Variants in PAG1 observed in about 807,000 individuals in gnomAD.
PAG1 encodes phosphoprotein membrane anchor with glycosphingolipid microdomains 1.
Under a neutral mutation model 31.7 loss-of-function variants are expected in PAG1, and 23 were observed. That is an observed-to-expected ratio of 0.73 (90% CI 0.52 to 1.03). The LOEUF is 1.03. Among genes scored for constraint, PAG1 ranks in the 50% least tolerant of loss-of-function variants. The probability of loss-of-function intolerance (pLI) is 0.00; values close to 1 mark genes in which losing one functional copy is unlikely to be tolerated. For missense variants in PAG1, 473 were observed against 540.7 expected, an observed-to-expected ratio of 0.87 and a Z score of 1.24; for synonymous variants, 214 against 210.3, an observed-to-expected ratio of 1.02 and a Z score of -0.15.
chr8:80,992,952 G>A, intron 4 of PAG1, 151 bp downstream of exon 4: 2 of 607,582 alleles, frequency 3.3e-6, no homozygotes, highest in Non-Finnish European at 5.4e-6. Context: ...GAGACGCTCT[G>A]CAGCAGAGAG....
At chr8:81,017,835 T>G (rs1347756) in intron 3 of PAG1, among the ~76,000 whole-genome samples, 1 of 151,986 alleles carries the variant, frequency 6.6e-6, no homozygotes, top group Non-Finnish European at 1.5e-5. Context: ...TACCTGCACA[T>G]GGGAATTTAA....
chr8:81,000,536 G>A (rs991378048), intron 3 of PAG1, among the ~76,000 whole-genome samples: 2 of 152,088 alleles, frequency 1.3e-5, no homozygotes, highest in African/African-American at 4.8e-5. Flanking sequence ...AGGACTCCTG[G>A]GTTTAAGTGA....
chr8:80,980,592 C>T (rs1807279694), intron 7 of PAG1, 98 bp from the exon 8 acceptor site: 1 of 773,542 alleles, frequency 1.3e-6, no homozygotes, highest in Non-Finnish European at 2.2e-6. Flanking sequence ...GCAACGTTTT[C>T]AAATGATTTT....
chr8:81,089,213 A>AG (rs1251471143), intron 1 of PAG1, among the ~76,000 whole-genome samples: 2 of 152,182 alleles, frequency 1.3e-5, no homozygotes, highest in African/African-American at 4.8e-5. Flanking sequence ...GTCCAAATAC[A>AG]GGGGGCACTG....
chr8:81,100,172 A>T (rs1380101642), intron 1 of PAG1, among the ~76,000 whole-genome samples: 1 of 152,252 alleles, frequency 6.6e-6, no homozygotes, highest in African/African-American at 2.4e-5. Flanking sequence ...CACAGCATAC[A>T]TCACATCAAC....
chr8:81,076,189 C>A (rs1254281432), intron 1 of PAG1, among the ~76,000 whole-genome samples: 1 of 152,218 alleles, frequency 6.6e-6, no homozygotes, highest in East Asian at 1.9e-4. Context: ...CAGATCAAGT[C>A]CTTAGGTCAG....
chr8:81,015,969 A>G (rs1404106696), intron 3 of PAG1, among the ~76,000 whole-genome samples: 2 of 151,938 alleles, frequency 1.3e-5, no homozygotes, highest in South Asian at 2.1e-4. Flanking sequence ...TTCTACTCTC[A>G]CTCTGGAATT....
intron 2 of PAG1, among the ~76,000 whole-genome samples, chr8:81,047,215 T>C (rs938780160): frequency 6.6e-6 from 1 of 152,232 alleles, no homozygotes; most frequent in South Asian, 2.1e-4. Flanking sequence ...TACCCAGTAA[T>C]GGGGTTGCTG....
intron 1 of PAG1, among the ~76,000 whole-genome samples, chr8:81,082,140 C>A (rs867816846): frequency 6.6e-6 from 1 of 151,196 alleles, no homozygotes; most frequent in Non-Finnish European, 1.5e-5. Context: ...GTAGTCCCAG[C>A]TACTCGGGAG....
At chr8:81,091,128 AG>A (rs1210312953) in intron 1 of PAG1, among the ~76,000 whole-genome samples, 14 of 152,230 alleles carry the variant, frequency 9.2e-5, no homozygotes, top group Non-Finnish European at 1.0e-4. Context: ...CAGACCTTGA[AG>A]GAAGAGGCAT....
At chr8:81,083,427 C>T (rs528294205) in intron 1 of PAG1, among the ~76,000 whole-genome samples, 1 of 152,132 alleles carries the variant, frequency 6.6e-6, no homozygotes, top group East Asian at 1.9e-4. Flanking sequence ...AGCCTTGGCT[C>T]CCTACTCAGT....
In PAG1 at chr8:81,056,837, A is replaced by G. The variant is rs545390675; in HGVS notation, c.-175+13275T>C. On this transcript the variant is annotated intron_variant, in intron 2 of 8. Coordinates refer to ENST00000220597, the MANE Select transcript of PAG1 (RefSeq NM_018440.4). ...CCTACTCCTCTGACAAAGGGCTAAC[A>G]TCCAGAATCTACAAAGAACTCAAAG... is the stretch of plus-strand genomic sequence containing the variant. 4.0e-4 allele frequency among the ~76,000 whole-genome samples: 61 copies of G among 152,358 alleles called. 1 individual carries two copies. The East Asian group carries it at 7.5e-3, about 19-fold the overall frequency.
At chr8:80,985,519 C>T (rs1586143448) in intron 6 of PAG1, 142 bp from the exon 7 acceptor site, 2 of 770,364 alleles carry the variant, frequency 2.6e-6, no homozygotes, top group East Asian at 2.7e-5. Flanking sequence ...TTGTTATGAC[C>T]ATCAGTTGGT....
intron 2 of PAG1, among the ~76,000 whole-genome samples, chr8:81,053,605 T>C (rs1043547361): frequency 1.3e-5 from 2 of 152,178 alleles, no homozygotes; most frequent in East Asian, 1.9e-4. Flanking sequence ...AAAAAGTGTA[T>C]GTATTTAGGA....
chr8:81,097,762 C>T (rs1482169890), intron 1 of PAG1, among the ~76,000 whole-genome samples: 4 of 152,006 alleles, frequency 2.6e-5, no homozygotes, highest in Admixed American at 2.0e-4. Context: ...CCCTGGTACA[C>T]GCTTCTGAGT....
intron 1 of PAG1, among the ~76,000 whole-genome samples, chr8:81,100,104 T>C (rs1372542175): frequency 6.6e-6 from 1 of 152,230 alleles, no homozygotes; most frequent in East Asian, 1.9e-4. Context: ...TATTCTCTTA[T>C]ATTTAGCAAA....
At chr8:80,987,513 A>G in intron 5 of PAG1, 47 bp from the exon 6 acceptor site, 4 of 1,298,438 alleles carry the variant, frequency 3.1e-6, no homozygotes, top group Non-Finnish European at 3.4e-6. Context: ...CATTGCTAAG[A>G]ATCTGGACTG....
At chr8:81,041,708 C>A (rs16908423) in intron 2 of PAG1, among the ~76,000 whole-genome samples, 1 of 152,056 alleles carries the variant, frequency 6.6e-6, no homozygotes, top group Non-Finnish European at 1.5e-5. Flanking sequence ...AGATGGAGAA[C>A]CTCAGGATTG....
intron 2 of PAG1, among the ~76,000 whole-genome samples, chr8:81,068,788 T>C (rs1347715315): frequency 6.6e-6 from 1 of 152,182 alleles, no homozygotes; most frequent in Non-Finnish European, 1.5e-5. Context: ...TACAAAAAAG[T>C]ACCACACAAC....
Sources: gnomAD v4.1 joint callset for allele counts (sites outside exome capture counted in the v4.1 genomes callset) on GRCh38, gnomAD v4.1.1 for gene constraint, MANE v1.5 for transcripts, NCBI Gene and HGNC (gene_info 2026-07-23, HGNC 2026-07-21) for gene names.